Variants in WDR35 observed in about 807,000 individuals in gnomAD.
The protein encoded by WDR35 is WD repeat-containing protein 35.
Under a neutral mutation model 158.3 loss-of-function variants are expected in WDR35, and 118 were observed. The ratio of observed to expected loss-of-function variants is 0.75; its 90% CI spans 0.64 to 0.87. WDR35 has a LOEUF of 0.87. Ranked by LOEUF, WDR35 falls within the 40% of genes least tolerant of loss-of-function variation. The pLI is 0.00. For synonymous variants in WDR35, 448 were observed against 476.1 expected, an observed-to-expected ratio of 0.94 and a Z score of 0.77; for missense variants, 1,263 against 1,405.8, an observed-to-expected ratio of 0.90 and a Z score of 1.62.
rs1405633971 is a variant in WDR35 at position 19,916,067 on chromosome 2, T to G, written c.3122-1790A>C. The stretch of plus-strand genomic sequence containing the variant: ...GGTACCAGGTTCATCTCATTGGGAC[T>G]AGTTGGACAGTGGGTGCAGCCCAAG... On this transcript the variant is annotated intron_variant, in intron 25 of 26. Transcript: ENST00000281405. Among the ~76,000 whole-genome samples the G allele has an allele frequency of 1.1e-4, 17 of 152,140 alleles. 1 individual carries two copies. Among genetic ancestry groups the G allele is most frequent in the Non-Finnish European group, 2.1e-4 (14 of 68,036 alleles).
intron 9 of WDR35, 146 bp downstream of exon 9, chr2:19,969,334 A>G: frequency 1.3e-6 from 1 of 783,758 alleles, no homozygotes; most frequent in East Asian, 2.8e-5. Context: ...GTATTCTAGA[A>G]AAGTTTACTA....
chr2:19,978,460 A>G (rs1254344195), intron 5 of WDR35, among the ~76,000 whole-genome samples: 1 of 152,182 alleles, frequency 6.6e-6, no homozygotes, highest in Non-Finnish European at 1.5e-5. Flanking sequence ...TAACCAATAT[A>G]AAAAGAAATT....
rs942404651 is a variant in WDR35 at position 19,934,705 on chromosome 2, T to G, written c.2547+766A>C. On this transcript the variant is annotated intron_variant, in intron 21 of 26. Transcript: ENST00000281405. The surrounding 1 kb of genome is among the most constrained non-coding windows in gnomAD (Gnocchi z 4.6). ...ACCCAGGGTTCTAAGTAATTTCAGT[T>G]TCTTTCCTACTCAAGAAAACCCATA... Among the ~76,000 whole-genome samples the G allele has an allele frequency of 6.6e-6, 1 of 152,194 alleles. No homozygotes were observed. The highest frequency in any genetic ancestry group is 6.5e-5 in the Admixed American group (1 of 15,282).
At chr2:19,914,725 T>C (rs1163558056) in intron 25 of WDR35, among the ~76,000 whole-genome samples, 1 of 152,196 alleles carries the variant, frequency 6.6e-6, no homozygotes, top group Non-Finnish European at 1.5e-5. Flanking sequence ...TAAAATAATA[T>C]GTTCTTTTCT....
Position 19,989,955 on chromosome 2 carries a change from A to G in WDR35, c.24+37T>C, listed in dbSNP as rs754326611. The G allele has an allele frequency of 1.9e-6, 3 of 1,612,812 alleles. No individual in the cohort carries two copies. The South Asian group carries it at 3.3e-5, about 18-fold the overall frequency. On this transcript the variant is annotated intron_variant, in intron 1 of 26. Transcript: ENST00000281405. ...GCGGGAATCGCCGCAGGCTGCGGGAATGGCGGAGAAACGAGGACGCCCCCC... is the reference window on the plus strand; with the variant it reads ...GCGGGAATCGCCGCAGGCTGCGGGAGTGGCGGAGAAACGAGGACGCCCCCC...
chr2:19,937,164 C>T (rs138192113), intron 19 of WDR35, among the ~76,000 whole-genome samples: 27 of 152,290 alleles, frequency 1.8e-4, no homozygotes, highest in African/African-American at 6.5e-4. Context: ...GAAGTTCAGA[C>T]AGACTCTCCG....
At chr2:19,966,641 G>T in intron 10 of WDR35, 83 bp downstream of exon 10, 1 of 1,503,578 alleles carries the variant, frequency 6.7e-7, no homozygotes, top group Non-Finnish European at 9.2e-7. Context: ...ACTTGCCAGT[G>T]TAGAGGCCAT....
At position 19,932,320 on chromosome 2, in the gene WDR35, G is replaced by A; in HGVS notation, c.2786C>T (p.Ala929Val). 1.2e-6 allele frequency: 2 copies of A among 1,613,196 alleles called. No individual in the cohort carries two copies. The highest frequency in any genetic ancestry group is 2.2e-5 in the South Asian group (2 of 91,060). The change falls in exon 23 of 27, where the codon GCC becomes GTC. Residue 929 changes from alanine to valine, a missense_variant. By Grantham distance (64) the Ala-to-Val change is moderately conservative. Transcript: ENST00000281405. ...TLDAIELYRKANYFFDAAKLM... is the reference protein window; with the variant it reads ...TLDAIELYRKVNYFFDAAKLM... ...TTTAGCTGCATCAAAAAAGTAATTGGCTTTCCGATAGAGTTCTATGGCATC... is the reference window on the plus strand; with the variant it reads ...TTTAGCTGCATCAAAAAAGTAATTGACTTTCCGATAGAGTTCTATGGCATC...
rs374946086 is a variant in WDR35, at chr2:19,973,727, A to G, written c.737-19T>C. The G allele has an allele frequency of 3.1e-6, 5 of 1,607,664 alleles. No individual in the cohort carries two copies. Among genetic ancestry groups the G allele is most frequent in the Non-Finnish European group, 4.2e-6 (5 of 1,176,474 alleles). ...ACGGGATCTAGTCAGAAAGAGAAAA[A>G]TGAGGTCACTGTGGGAAAATACGTA... On this transcript the variant is annotated intron_variant, in intron 7 of 26. Transcript: ENST00000281405.
chr2:19,978,118 T>G (rs1672267558), intron 5 of WDR35, among the ~76,000 whole-genome samples: 5 of 152,110 alleles, frequency 3.3e-5, no homozygotes, highest in Admixed American at 2.6e-4. Context: ...GTACCCTTAG[T>G]TCCTAAAATG....
intron 25 of WDR35, among the ~76,000 whole-genome samples, chr2:19,919,788 A>G (rs567291801): frequency 1.3e-5 from 2 of 152,344 alleles, no homozygotes; most frequent in East Asian, 3.9e-4. Flanking sequence ...AAATCAATGA[A>G]TCCAGGAACT....
chr2:19,965,760 G>C (rs1446176017), intron 10 of WDR35, among the ~76,000 whole-genome samples: 1 of 152,180 alleles, frequency 6.6e-6, no homozygotes, highest in Admixed American at 6.5e-5. Context: ...TCAGTATAGG[G>C]GAGTGGGATC....
intron 26 of WDR35, 103 bp from the exon 27 acceptor site, chr2:19,913,811 T>A (rs532136975): frequency 6.6e-7 from 1 of 1,508,062 alleles, no homozygotes; most frequent in Non-Finnish European, 9.0e-7. Flanking sequence ...ACTTCTGAGA[T>A]GAACATCAAA....
At position 19,931,520 on chromosome 2, in the gene WDR35, A is replaced by C. The variant is rs968509841; in HGVS notation, c.2824-111T>G. ...TCCCTAAAAAAGGAGGAAAATCAGT[A>C]AGATGGAATATAAATATCACCTATT... is the stretch of plus-strand genomic sequence containing the variant. On this transcript the variant is annotated intron_variant, in intron 23 of 26. Transcript: ENST00000281405. 3 of 1,193,806 alleles carry C rather than the reference A, an allele frequency of 2.5e-6. No individual in the cohort carries two copies. In the African/African-American group the frequency reaches 4.5e-5, roughly 18 times the overall value. 74.0% of individuals were successfully genotyped at this position (1,193,806 alleles called of 1,614,324 possible).
intron 25 of WDR35, among the ~76,000 whole-genome samples, chr2:19,922,557 G>T (rs6720011): frequency 4.1e-5 from 6 of 146,590 alleles, no homozygotes; most frequent in East Asian, 2.0e-4. Context: ...ATCACACACC[G>T]GGGCCTGTAG....
rs1553316264 is a variant in WDR35, at chr2:19,930,459, G to A, written c.3058C>T (p.His1020Tyr). ...DNAWRGAEAY[H>Y]FFILAQRQLY... ...TGCCTCTGTGCAAGTATAAAGAAGT[G>A]GTAAGCCTCTGCCCCTCTCCATGCA... The change falls in exon 25 of 27, where the codon CAC becomes TAC. Residue 1020 changes from histidine (H) to tyrosine (Y), a missense_variant. His to Tyr is a moderately conservative substitution (Grantham distance 83). Transcript: ENST00000281405. 2 of 1,614,106 alleles carry A rather than the reference G, an allele frequency of 1.2e-6. No individual in the cohort carries two copies. The highest frequency in any genetic ancestry group is 1.7e-6 in the Non-Finnish European group (2 of 1,180,014).
chr2:19,925,052 T>A (rs1178135921), intron 25 of WDR35, among the ~76,000 whole-genome samples: 1 of 152,180 alleles, frequency 6.6e-6, no homozygotes, highest in Non-Finnish European at 1.5e-5. Flanking sequence ...GGCCATTCCC[T>A]CACCCCTGTA....
intron 2 of WDR35, among the ~76,000 whole-genome samples, chr2:19,983,171 G>A (rs1280569777): frequency 2.0e-5 from 3 of 152,208 alleles, no homozygotes; most frequent in African/African-American, 7.2e-5. Context: ...GGGAACCAGG[G>A]AAGGCTATCA....
chr2:19,968,324 G>A (rs1399017001), intron 9 of WDR35, among the ~76,000 whole-genome samples: 1 of 152,082 alleles, frequency 6.6e-6, no homozygotes, highest in Non-Finnish European at 1.5e-5. Context: ...TGGAAACTAA[G>A]TGTAGCCACA....
Sources: allele counts gnomAD v4.1 joint callset (sites outside exome capture counted in the v4.1 genomes callset), GRCh38; gene constraint gnomAD v4.1.1; non-coding constraint Gnocchi (gnomAD v3.1); transcripts MANE v1.5; gene names NCBI Gene and HGNC (gene_info 2026-07-23, HGNC 2026-07-21).